The following RIMS2 variants were observed in gnomAD, a reference collection of about 807,000 sequenced individuals.
RIMS2 encodes the protein regulating synaptic membrane exocytosis protein 2.
Under a neutral mutation model 174.4 loss-of-function variants are expected in RIMS2, and 59 were observed. That is an observed-to-expected ratio of 0.34 (90% confidence interval 0.27 to 0.42). The LOEUF (loss-of-function observed/expected upper bound fraction) is 0.42, where lower values mean the gene tolerates loss of function less well. Among genes scored for constraint, RIMS2 ranks in the 10% least tolerant of loss-of-function variants. The pLI is 1.00. For missense variants in RIMS2, 1,620 were observed against 1,666.3 expected, an observed-to-expected ratio of 0.97 and a Z score of 0.48; for synonymous variants, 606 against 572.5, an observed-to-expected ratio of 1.06 and a Z score of -0.84.
chr8:104,231,215 A>G (rs2099226333), intron 19 of RIMS2, among the ~76,000 whole-genome samples: 1 of 152,138 alleles, frequency 6.6e-6, no homozygotes, highest in African/African-American at 2.4e-5. Flanking sequence ...CCAATCCAAC[A>G]TCACTGCTCC....
chr8:103,575,595 C>A (rs1489842740), intron 1 of RIMS2, among the ~76,000 whole-genome samples: 2 of 150,628 alleles, frequency 1.3e-5, no homozygotes, highest in Admixed American at 1.3e-4. Flanking sequence ...GGCTGCACTC[C>A]CCCACCACAG....
intron 17 of RIMS2, among the ~76,000 whole-genome samples, chr8:103,995,807 A>G (rs2154551364): frequency 6.6e-6 from 1 of 152,126 alleles, no homozygotes; most frequent in Middle Eastern, 3.4e-3. Context: ...AGGAAGTCCT[A>G]AGAGAAGGTT....
chr8:103,838,885 GA>G (rs1383592230), intron 3 of RIMS2, among the ~76,000 whole-genome samples: 1 of 152,132 alleles, frequency 6.6e-6, no homozygotes, highest in Admixed American at 6.5e-5. Flanking sequence ...CTAACACGGT[GA>G]AACCCCGTCT....
At chr8:103,628,051 A>G (rs2095828387) in intron 1 of RIMS2, among the ~76,000 whole-genome samples, 1 of 152,174 alleles carries the variant, frequency 6.6e-6, no homozygotes, top group East Asian at 1.9e-4. Context: ...ATCAAGAGTT[A>G]CCTATAATTA....
chr8:103,746,220 T>C (rs191299562), intron 2 of RIMS2, among the ~76,000 whole-genome samples: 3 of 152,318 alleles, frequency 2.0e-5, no homozygotes, highest in Admixed American at 2.0e-4. Context: ...AATTGAACGA[T>C]CTTGGCTCCC....
intron 19 of RIMS2, among the ~76,000 whole-genome samples, chr8:104,092,713 T>G (rs2097684717): frequency 6.6e-6 from 1 of 151,924 alleles, no homozygotes; most frequent in Non-Finnish European, 1.5e-5. Flanking sequence ...CCTTTTTACA[T>G]CTCAACAAGA....
At chr8:104,042,688 C>G (rs2096628806) in intron 19 of RIMS2, among the ~76,000 whole-genome samples, 1 of 151,546 alleles carries the variant, frequency 6.6e-6, no homozygotes. Context: ...ATACAAGTTT[C>G]AGGGGAAAGA....
intron 3 of RIMS2, among the ~76,000 whole-genome samples, chr8:103,825,527 C>CA (rs1554855273): frequency 1.3e-5 from 2 of 151,422 alleles, no homozygotes; most frequent in Non-Finnish European, 2.9e-5. Context: ...TCAGGCGATC[C>CA]ACCTGCCTCA....
chr8:103,794,669 T>C (rs976206448), intron 3 of RIMS2, among the ~76,000 whole-genome samples: 1 of 152,128 alleles, frequency 6.6e-6, no homozygotes, highest in African/African-American at 2.4e-5. Context: ...GGAGAAAATT[T>C]TTATAATCTA....
At chr8:104,074,724 G>A (rs1314326497) in intron 19 of RIMS2, among the ~76,000 whole-genome samples, 2 of 152,096 alleles carry the variant, frequency 1.3e-5, no homozygotes, top group Non-Finnish European at 2.9e-5. Flanking sequence ...AACATAATAT[G>A]TGATGAAAAA....
chr8:104,022,656 G>A (rs1292976174), intron 19 of RIMS2, among the ~76,000 whole-genome samples: 1 of 152,156 alleles, frequency 6.6e-6, no homozygotes, highest in African/African-American at 2.4e-5. Flanking sequence ...AAAGTGCTGG[G>A]ATTACAGGTG....
At chr8:103,900,936 G>A (rs538010982) in intron 4 of RIMS2, among the ~76,000 whole-genome samples, 1 of 152,048 alleles carries the variant, frequency 6.6e-6, no homozygotes, top group East Asian at 1.9e-4. Flanking sequence ...ATATAGATTG[G>A]GCATATCTTC....
intron 19 of RIMS2, among the ~76,000 whole-genome samples, chr8:104,241,944 G>A (rs1330398233): frequency 2.6e-5 from 4 of 152,026 alleles, no homozygotes; most frequent in East Asian, 3.9e-4. Context: ...ATTTTTAGTA[G>A]AGACAGATTT....
chr8:103,922,637 A>G (rs1418839286), intron 10 of RIMS2: 3 of 402,308 alleles, frequency 7.5e-6, no homozygotes, highest in African/African-American at 6.3e-5. Flanking sequence ...TTGGATTAAA[A>G]AAAAGTTACA....
intron 1 of RIMS2, among the ~76,000 whole-genome samples, chr8:103,592,673 T>G (rs1489801131): frequency 1.3e-5 from 2 of 151,376 alleles, no homozygotes; most frequent in Non-Finnish European, 3.0e-5. Context: ...TATTTGCTTT[T>G]TATGGTTTTT....
At chr8:104,050,405 G>A (rs997824620) in intron 19 of RIMS2, among the ~76,000 whole-genome samples, 2 of 152,064 alleles carry the variant, frequency 1.3e-5, no homozygotes, top group African/African-American at 4.8e-5. Flanking sequence ...TAACCTAGTG[G>A]GATTGGGGTG....
At chr8:103,591,902 G>A (rs2094279591) in intron 1 of RIMS2, among the ~76,000 whole-genome samples, 1 of 151,068 alleles carries the variant, frequency 6.6e-6, no homozygotes, top group South Asian at 2.1e-4. Context: ...TCCATATAAA[G>A]TTAAGAAAGA....
At chr8:103,952,557 A>G (rs1180150951) in intron 14 of RIMS2, among the ~76,000 whole-genome samples, 1 of 152,218 alleles carries the variant, frequency 6.6e-6, no homozygotes, top group Non-Finnish European at 1.5e-5. Flanking sequence ...AGAAAGGAAT[A>G]GTATTAACAT....
intron 19 of RIMS2, among the ~76,000 whole-genome samples, chr8:104,219,413 T>C (rs753490889): frequency 6.6e-6 from 1 of 152,242 alleles, no homozygotes; most frequent in Non-Finnish European, 1.5e-5. Context: ...AGTCATTTAA[T>C]GTTGACTTAT....
Sources: gnomAD v4.1 joint callset for allele counts (sites outside exome capture counted in the v4.1 genomes callset) on GRCh38, gnomAD v4.1.1 for gene constraint, MANE v1.5 for transcripts, NCBI Gene and HGNC (gene_info 2026-07-23, HGNC 2026-07-21) for gene names.